Variants in RFX4 observed in about 807,000 individuals in gnomAD.
RFX4 encodes the protein regulatory factor X4, also known as transcription factor RFX4.
Under a neutral mutation model 95.0 loss-of-function variants are expected in RFX4, and 10 were observed. The observed-to-expected ratio is 0.11, with a 90% CI of 0.06 to 0.18. The LOEUF is 0.18. Ranked by LOEUF, RFX4 falls within the 10% of genes least tolerant of loss-of-function variation. The pLI, the probability that RFX4 is intolerant of heterozygous loss-of-function variation, is 1.00. For synonymous variants in RFX4, 321 were observed against 340.7 expected, an observed-to-expected ratio of 0.94 and a Z score of 0.64; for missense variants, 640 against 922.0, an observed-to-expected ratio of 0.69 and a Z score of 3.96.
chr12:106,616,190 C>T (rs1016900899), intron 2 of RFX4, among the ~76,000 whole-genome samples: 2 of 152,168 alleles, frequency 1.3e-5, no homozygotes, highest in Non-Finnish European at 2.9e-5. Context: ...TTTTATCAAA[C>T]ACTTTTTCTA....
At chr12:106,709,280 G>A (rs749233570) in intron 8 of RFX4, 50 bp from the exon 9 acceptor site, 1 of 1,453,582 alleles carries the variant, frequency 6.9e-7, no homozygotes, top group Non-Finnish European at 9.6e-7. Flanking sequence ...GCCTGTGGGA[G>A]GAGCTAAGCA....
intron 1 of RFX4, chr12:106,583,592 G>C (rs2039407124): frequency 2.5e-6 from 1 of 392,840 alleles, no homozygotes; most frequent in South Asian, 1.2e-4. Flanking sequence ...GTGTGTGTGC[G>C]TGCGCGCGCG....
In RFX4 at chr12:106,761,467, T is replaced by C; in HGVS notation, c.2206T>C (p.Ter736ArgextTer4). The C allele has an allele frequency of 1.3e-6, 2 of 1,596,984 alleles. No homozygotes were observed. The highest frequency in any genetic ancestry group is 1.7e-6 in the Non-Finnish European group (2 of 1,170,904). ...AGAGGCCTCTACAGGATGGGCTAAA[T>C]GACTGCTATCATAGGCATCCATATT... Reference protein sequence around the residue: ...NGEASTGWAK* With the variant: ...NGEASTGWAKR The change falls in exon 18 of 18, where the codon TGA (stop) becomes CGA (arginine). Residue 736 changes from the stop codon to arginine (R), a stop_lost. Transcript: ENST00000392842.
chr12:106,643,328 C>T (rs1203317633), intron 3 of RFX4, among the ~76,000 whole-genome samples: 2 of 152,050 alleles, frequency 1.3e-5, no homozygotes, highest in Non-Finnish European at 2.9e-5. Context: ...GAGAAGGTGG[C>T]CCATGTGGTT....
chr12:106,734,572 G>T (rs1010771884), intron 15 of RFX4, among the ~76,000 whole-genome samples: 1 of 150,892 alleles, frequency 6.6e-6, no homozygotes, highest in Non-Finnish European at 1.5e-5. Flanking sequence ...CTCCAGCCTG[G>T]GCATCAGAGC....
At chr12:106,638,796 A>G (rs1000489190) in intron 2 of RFX4, among the ~76,000 whole-genome samples, 4 of 152,022 alleles carry the variant, frequency 2.6e-5, no homozygotes, top group African/African-American at 7.3e-5. Flanking sequence ...CTCAGAGGGG[A>G]GAAAGTGGTA....
intron 1 of RFX4, among the ~76,000 whole-genome samples, chr12:106,583,971 T>C (rs1195264068): frequency 2.6e-5 from 4 of 152,102 alleles, no homozygotes; most frequent in Non-Finnish European, 5.9e-5. Context: ...GTCGGGCTTT[T>C]AGCTTTTCTG....
At chr12:106,671,002 T>A (rs2137367187) in intron 4 of RFX4, among the ~76,000 whole-genome samples, 1 of 152,312 alleles carries the variant, frequency 6.6e-6, no homozygotes, top group East Asian at 1.9e-4. Context: ...ATTTCCACAA[T>A]ATATGGTTAT....
chr12:106,723,341 T>C (rs1309263130), intron 13 of RFX4, among the ~76,000 whole-genome samples: 2 of 152,224 alleles, frequency 1.3e-5, no homozygotes, highest in Non-Finnish European at 2.9e-5. Context: ...AAAAACACCA[T>C]CTTTTTAGTC....
At chr12:106,649,842 A>G (rs2040825410) in intron 3 of RFX4, among the ~76,000 whole-genome samples, 1 of 152,204 alleles carries the variant, frequency 6.6e-6, no homozygotes, top group African/African-American at 2.4e-5. Flanking sequence ...CTGCCCAGTT[A>G]GGAACCTGAG....
chr12:106,758,159 C>T (rs910008195), intron 17 of RFX4, among the ~76,000 whole-genome samples: 19 of 152,156 alleles, frequency 1.2e-4, no homozygotes, highest in Admixed American at 6.5e-5. Flanking sequence ...TGTATGAAAC[C>T]GGATGTAAAG....
At chr12:106,693,055 TC>T in intron 7 of RFX4, 1 of 402,950 alleles carries the variant, frequency 2.5e-6, no homozygotes, top group Non-Finnish European at 5.0e-6. Context: ...CTCCTTTCCC[TC>T]ACCCTTCAGA....
chr12:106,674,540 A>G (rs1382922713), intron 4 of RFX4, among the ~76,000 whole-genome samples: 1 of 151,972 alleles, frequency 6.6e-6, no homozygotes, highest in Non-Finnish European at 1.5e-5. Flanking sequence ...CATGTTGTCC[A>G]GGCTGGTCTT....
chr12:106,710,561 C>A (rs954098207), intron 9 of RFX4, among the ~76,000 whole-genome samples: 2 of 152,148 alleles, frequency 1.3e-5, no homozygotes, highest in Non-Finnish European at 2.9e-5. Flanking sequence ...AAATTTCTGA[C>A]TATTACTTGA....
chr12:106,686,968 T>C lies in RFX4; in HGVS notation c.462T>C (p.Ser154=), dbSNP rs754681528. Residue 154 remains serine (S), a synonymous_variant, in exon 6 of 18, where the codon AGT becomes AGC. Transcript: ENST00000392842. Reference sequence around the variant, plus strand: ...CCAAGAAAGGAGCTGCCTGGGTGAGTGAGACGGGCAAGAAAGAAGTGAGCA... The same window carrying C: ...CCAAGAAAGGAGCTGCCTGGGTGAGCGAGACGGGCAAGAAAGAAGTGAGCA... ...MYSKKGAAWV[S]ETGKKEVSKQ... 6.2e-7 allele frequency: 1 copy of C among 1,613,606 alleles called. No homozygotes were observed. Among genetic ancestry groups the C allele is most frequent in the South Asian group, 1.1e-5 (1 of 91,048 alleles).
chr12:106,620,004 C>T (rs2040149671), intron 2 of RFX4, among the ~76,000 whole-genome samples: 1 of 151,924 alleles, frequency 6.6e-6, no homozygotes, highest in Admixed American at 6.6e-5. Flanking sequence ...TCTAATTTGC[C>T]CATATTTTTC....
In RFX4 at chr12:106,709,417, C is replaced by T. The variant is rs774381184; in HGVS notation, c.921C>T (p.Asn307=). The T allele has an allele frequency of 6.2e-7, 1 of 1,612,066 alleles. No individual in the cohort carries two copies. The highest frequency in any genetic ancestry group is 8.5e-7 in the Non-Finnish European group (1 of 1,179,432). Residue 307 remains asparagine, a synonymous_variant, in exon 9 of 18, where the codon AAC becomes AAT. Coordinates refer to ENST00000392842, the MANE Select transcript of RFX4 (RefSeq NM_213594.3). ...ACGACCTCCCAGAAAACTTGCGAAA[C>T]ATCAAGTTCGAATGTAAGTACTGAG... ...ALHDLPENLR[N]IKFELSRRFS...
At chr12:106,743,591 T>C (rs929964803) in intron 15 of RFX4, among the ~76,000 whole-genome samples, 11 of 152,192 alleles carry the variant, frequency 7.2e-5, no homozygotes, top group African/African-American at 2.7e-4. Context: ...ATTTACTCCT[T>C]CAACAACAAA....
chr12:106,712,183 T>C (rs2042203868), intron 10 of RFX4, among the ~76,000 whole-genome samples: 1 of 152,274 alleles, frequency 6.6e-6, no homozygotes, highest in African/African-American at 2.4e-5. Context: ...GGCCCTCAGA[T>C]ATGTGGGGTT....
Sources: allele counts gnomAD v4.1 joint callset (sites outside exome capture counted in the v4.1 genomes callset), GRCh38; gene constraint gnomAD v4.1.1; transcripts MANE v1.5; gene names NCBI Gene and HGNC (gene_info 2026-07-23, HGNC 2026-07-21).